NTM: variants seen among roughly 807,000 people sequenced by gnomAD.
NTM encodes IgLON family member 2.
Under a neutral mutation model 42.1 loss-of-function variants are expected in NTM, and 13 were observed. The ratio of observed to expected loss-of-function variants is 0.31; its 90% CI spans 0.20 to 0.49. NTM has a LOEUF of 0.49. Among genes scored for constraint, NTM ranks in the 20% least tolerant of loss-of-function variants. The pLI is 0.99. For synonymous variants in NTM, 187 were observed against 179.2 expected (o/e 1.04, Z -0.35); for missense variants, 373 against 452.8 (o/e 0.82, Z 1.60).
intron 1 of NTM, among the ~76,000 whole-genome samples, chr11:131,397,742 A>G (rs995930557): frequency 1.3e-5 from 2 of 152,042 alleles, no homozygotes; most frequent in Admixed American, 1.3e-4. Flanking sequence ...GGGGTTTTCT[A>G]TAAGAAAGCC....
intron 1 of NTM, chr11:131,537,350 G>A (rs929969214): frequency 1.3e-5 from 2 of 152,230 alleles, no homozygotes; most frequent in African/African-American, 4.8e-5. Context: ...AGACCTGACT[G>A]AAAGCAACAC....
At chr11:132,198,396 T>C (rs1050014938) in intron 3 of NTM, among the ~76,000 whole-genome samples, 1 of 152,062 alleles carries the variant, frequency 6.6e-6, no homozygotes, top group African/African-American at 2.4e-5. Context: ...GATGGTGGTG[T>C]TGCTATGTTA....
chr11:132,319,038 T>C (rs1329864129), intron 7 of NTM, among the ~76,000 whole-genome samples: 2 of 152,232 alleles, frequency 1.3e-5, no homozygotes, highest in African/African-American at 4.8e-5. Context: ...AATAGACTTA[T>C]TCAGATTCAA....
At chr11:131,907,225 C>A (rs1226506150) in intron 1 of NTM, among the ~76,000 whole-genome samples, 1 of 152,214 alleles carries the variant, frequency 6.6e-6, no homozygotes, top group Admixed American at 6.5e-5. Context: ...ATAGTGATAG[C>A]TCTTTAGCTG....
chr11:132,080,174 A>G (rs919553416), intron 2 of NTM, among the ~76,000 whole-genome samples: 23 of 137,086 alleles, frequency 1.7e-4, no homozygotes, highest in African/African-American at 6.7e-4. Flanking sequence ...GGTAAGTTTT[A>G]TCATGAAAGA....
chr11:131,786,002 G>T (rs1320703749), intron 1 of NTM, among the ~76,000 whole-genome samples: 1 of 152,192 alleles, frequency 6.6e-6, no homozygotes, highest in African/African-American at 2.4e-5. Context: ...GTGTCATTCT[G>T]CTGGAAAGTT....
intron 1 of NTM, among the ~76,000 whole-genome samples, chr11:131,613,669 C>T (rs1004166685): frequency 6.6e-6 from 1 of 152,122 alleles, no homozygotes; most frequent in South Asian, 2.1e-4. Flanking sequence ...GAGAACAGGG[C>T]GTGTGTGGTC....
intron 2 of NTM, among the ~76,000 whole-genome samples, chr11:132,112,096 C>T (rs2063289056): frequency 6.6e-6 from 1 of 152,150 alleles, no homozygotes; most frequent in African/African-American, 2.4e-5. Context: ...AGCTATATTT[C>T]CCCATCTCTC....
chr11:131,513,762 ATATT>A (rs1393863533), intron 1 of NTM, among the ~76,000 whole-genome samples: 3 of 152,166 alleles, frequency 2.0e-5, no homozygotes, highest in Admixed American at 1.3e-4. Context: ...GGAGCTGAAA[ATATT>A]TATAAGTATT....
intron 8 of NTM, among the ~76,000 whole-genome samples, chr11:132,333,756 T>G (rs1290441036): frequency 6.6e-6 from 1 of 152,110 alleles, no homozygotes; most frequent in Non-Finnish European, 1.5e-5. Context: ...CTATTGCATT[T>G]CAATCTCATG....
intron 1 of NTM, among the ~76,000 whole-genome samples, chr11:131,790,565 T>C (rs868177841): frequency 3.9e-5 from 6 of 152,208 alleles, no homozygotes; most frequent in Middle Eastern, 3.2e-3. Flanking sequence ...CTTCTAGGCT[T>C]CCTGGTCATT....
intron 1 of NTM, among the ~76,000 whole-genome samples, chr11:131,846,527 C>G (rs1159178706): frequency 1.3e-5 from 2 of 152,042 alleles, no homozygotes; most frequent in Non-Finnish European, 2.9e-5. Context: ...CTATCATGAA[C>G]AGTTTAACAG....
intron 2 of NTM, among the ~76,000 whole-genome samples, chr11:132,134,253 C>T (rs1022486898): frequency 6.6e-6 from 1 of 152,110 alleles, no homozygotes; most frequent in African/African-American, 2.4e-5. Flanking sequence ...CCTTTTTCTT[C>T]CTAGGGGGAA....
At chr11:132,004,634 T>TCTCTCTCA (rs1296009968) in intron 2 of NTM, among the ~76,000 whole-genome samples, 15 of 104,646 alleles carry the variant, frequency 1.4e-4, no homozygotes, top group South Asian at 3.8e-4. Context: ...TCTCTCTCTC[T>TCTCTCTCA]CACACACACA....
chr11:131,527,182 GTGC>G (rs1159699948), intron 1 of NTM, among the ~76,000 whole-genome samples: 1 of 152,196 alleles, frequency 6.6e-6, no homozygotes, highest in Non-Finnish European at 1.5e-5. Flanking sequence ...CTCGTCGTAT[GTGC>G]TGGTTCTAAA....
chr11:131,565,593 G>A (rs1324022853), intron 1 of NTM, among the ~76,000 whole-genome samples: 3 of 152,160 alleles, frequency 2.0e-5, no homozygotes, highest in Admixed American at 2.0e-4. Flanking sequence ...GACTTTGTAT[G>A]GTACTCAATA....
At chr11:131,998,290 G>C (rs1230282556) in intron 2 of NTM, among the ~76,000 whole-genome samples, 1 of 152,152 alleles carries the variant, frequency 6.6e-6, no homozygotes, top group African/African-American at 2.4e-5. Flanking sequence ...CCCACTGATT[G>C]GCTGCTCAGC....
chr11:131,499,149 G>C (rs933753300), intron 1 of NTM, among the ~76,000 whole-genome samples: 8 of 152,162 alleles, frequency 5.3e-5, no homozygotes, highest in Non-Finnish European at 2.9e-5. Flanking sequence ...AATTCGATAG[G>C]AAAATGTCAG....
chr11:131,856,699 A>G (rs2046133873), intron 1 of NTM, among the ~76,000 whole-genome samples: 1 of 152,236 alleles, frequency 6.6e-6, no homozygotes, highest in Non-Finnish European at 1.5e-5. Flanking sequence ...TTTAGATTCA[A>G]GCGCCCTTTG....
Sources: gnomAD v4.1 joint callset for allele counts (sites outside exome capture counted in the v4.1 genomes callset) on GRCh38, gnomAD v4.1.1 for gene constraint, MANE v1.5 for transcripts, NCBI Gene and HGNC (gene_info 2026-07-23, HGNC 2026-07-21) for gene names.